The following CTNNA1 variants were observed in gnomAD, a reference collection of about 807,000 sequenced individuals.
The protein encoded by CTNNA1 is catenin alpha-1.
A neutral mutation model predicts 98.4 loss-of-function variants in CTNNA1; 37 were observed. The observed-to-expected ratio is 0.38, with a 90% CI of 0.29 to 0.49. The LOEUF (loss-of-function observed/expected upper bound fraction) is 0.49, where lower values mean the gene tolerates loss of function less well. CTNNA1 is among the 20% of genes least tolerant of loss of function. The pLI is 0.95. For synonymous variants in CTNNA1, 404 were observed against 413.2 expected (o/e 0.98, Z 0.27); for missense variants, 761 against 1,147.2 (o/e 0.66, Z 4.86).
intron 2 of CTNNA1, chr5:138,782,542 A>T (rs1019821438): frequency 8.4e-6 from 2 of 238,552 alleles, no homozygotes; most frequent in Non-Finnish European, 1.7e-5. Flanking sequence ...AGAGATTCAG[A>T]GAGAGAGAGA....
At chr5:138,812,397 A>G in intron 5 of CTNNA1, 95 bp downstream of exon 5, 1 of 1,343,632 alleles carries the variant, frequency 7.4e-7, no homozygotes, top group Non-Finnish European at 1.0e-6. Context: ...ACCATTACTT[A>G]CCTTCGCCAA....
In CTNNA1 at chr5:138,934,435, T is replaced by C; in HGVS notation, c.*346T>C. ...CGTTAGGGTTTGAGAGAAGGGAATT[T>C]GGCTCAACTTCAGTTGAGAGGGTGC... On this transcript the variant is annotated 3_prime_UTR_variant, in exon 18 of 18. Transcript: ENST00000302763. The C allele has an allele frequency of 4.0e-6, 1 of 247,556 alleles. No individual in the cohort carries two copies. The highest frequency in any genetic ancestry group is 7.8e-6 in the Non-Finnish European group (1 of 128,700). 15.3% of individuals were successfully genotyped at this position (247,556 alleles called of 1,614,324 possible).
chr5:138,905,484 G>A (rs1759043600), intron 10 of CTNNA1, among the ~76,000 whole-genome samples: 1 of 152,174 alleles, frequency 6.6e-6, no homozygotes, highest in African/African-American at 2.4e-5. Flanking sequence ...CTCTGTGTTG[G>A]AGGAAACCAA....
chr5:138,791,709 T>A (rs1756392846), intron 3 of CTNNA1, among the ~76,000 whole-genome samples: 1 of 146,490 alleles, frequency 6.8e-6, no homozygotes, highest in African/African-American at 2.5e-5. Flanking sequence ...TTAACATCTG[T>A]GAGTTTGCAA....
chr5:138,835,325 C>T (rs1581207505), intron 7 of CTNNA1, among the ~76,000 whole-genome samples: 3 of 152,122 alleles, frequency 2.0e-5, no homozygotes, highest in African/African-American at 4.8e-5. Flanking sequence ...AGTGCTGTAG[C>T]TGTTTAAATG....
At chr5:138,832,254 C>T (rs538008340) in intron 7 of CTNNA1, among the ~76,000 whole-genome samples, 10 of 152,128 alleles carry the variant, frequency 6.6e-5, no homozygotes, top group Non-Finnish European at 1.2e-4. Flanking sequence ...ACTTACTATA[C>T]GGACTCTAAG....
intron 7 of CTNNA1, among the ~76,000 whole-genome samples, chr5:138,830,810 G>T (rs1035468744): frequency 6.6e-6 from 1 of 152,198 alleles, no homozygotes; most frequent in African/African-American, 2.4e-5. Flanking sequence ...TCTATAGGGG[G>T]TTTAATGGGA....
chr5:138,850,890 A>T (rs1372395321), intron 7 of CTNNA1, among the ~76,000 whole-genome samples: 1 of 152,342 alleles, frequency 6.6e-6, no homozygotes, highest in African/African-American at 2.4e-5. Flanking sequence ...TTGGTGATTG[A>T]TATTAGTTTC....
At chr5:138,760,295 G>C (rs1752202616) in intron 1 of CTNNA1, among the ~76,000 whole-genome samples, 1 of 151,242 alleles carries the variant, frequency 6.6e-6, no homozygotes, top group Non-Finnish European at 1.5e-5. Context: ...TGCTCAGCCG[G>C]ATTTCTTTCC....
chr5:138,765,651 C>G (rs951046747), intron 1 of CTNNA1, among the ~76,000 whole-genome samples: 5 of 151,942 alleles, frequency 3.3e-5, no homozygotes, highest in African/African-American at 1.2e-4. Context: ...GGTAAAATAG[C>G]TGATAGGTAA....
At chr5:138,891,710 G>C (rs56342259) in intron 9 of CTNNA1, among the ~76,000 whole-genome samples, 7,786 of 152,266 alleles carry the variant, frequency 0.051, 555 homozygotes, top group African/African-American at 0.16. Context: ...AGTCAACCGA[G>C]GTTGTGCCAC....
At chr5:138,821,716 A>G (rs1240783563) in intron 5 of CTNNA1, among the ~76,000 whole-genome samples, 2 of 152,190 alleles carry the variant, frequency 1.3e-5, no homozygotes, top group Non-Finnish European at 2.9e-5. Flanking sequence ...TTCAGATTAC[A>G]TTGAAAGCAG....
At chr5:138,773,672 C>G (rs1400289700) in intron 1 of CTNNA1, among the ~76,000 whole-genome samples, 1 of 151,122 alleles carries the variant, frequency 6.6e-6, no homozygotes, top group Non-Finnish European at 1.5e-5. Context: ...TGCCTTAACT[C>G]GTTTAGAAGC....
At chr5:138,856,840 A>G (rs1475814301) in intron 7 of CTNNA1, among the ~76,000 whole-genome samples, 3 of 152,228 alleles carry the variant, frequency 2.0e-5, no homozygotes, top group African/African-American at 7.2e-5. Context: ...CCTTATTGAG[A>G]TTTGAAAAGA....
At chr5:138,925,228 G>A in intron 12 of CTNNA1, 28 bp from the exon 13 acceptor site, 1 of 1,609,800 alleles carries the variant, frequency 6.2e-7, no homozygotes, top group Non-Finnish European at 8.5e-7. Context: ...TGCTGACCAG[G>A]GTATCTACTG....
chr5:138,845,850 A>G (rs1334642759), intron 7 of CTNNA1, among the ~76,000 whole-genome samples: 20 of 152,198 alleles, frequency 1.3e-4, no homozygotes, highest in Admixed American at 6.5e-5. Context: ...GGTACTTAAC[A>G]GTTTAGCACT....
intron 7 of CTNNA1, among the ~76,000 whole-genome samples, chr5:138,828,902 T>C (rs1760988039): frequency 6.6e-6 from 1 of 152,208 alleles, no homozygotes; most frequent in African/African-American, 2.4e-5. Context: ...GGTGGGTGGA[T>C]TGCGTGAGCC....
chr5:138,815,550 G>A (rs1292747955), intron 5 of CTNNA1, among the ~76,000 whole-genome samples: 1 of 152,108 alleles, frequency 6.6e-6, no homozygotes, highest in Non-Finnish European at 1.5e-5. Context: ...CCCTGGTTTT[G>A]GTAACTGCTG....
chr5:138,763,571 T>G (rs1752596166), intron 1 of CTNNA1, among the ~76,000 whole-genome samples: 1 of 152,214 alleles, frequency 6.6e-6, no homozygotes, highest in Non-Finnish European at 1.5e-5. Flanking sequence ...TTTGAACTCC[T>G]GAACTCAAGC....
Sources: allele counts gnomAD v4.1 joint callset (sites outside exome capture counted in the v4.1 genomes callset), GRCh38; gene constraint gnomAD v4.1.1; transcripts MANE v1.5; gene names NCBI Gene and HGNC (gene_info 2026-07-23, HGNC 2026-07-21).